SOX6: variants seen among roughly 807,000 people sequenced by gnomAD.
SOX6 encodes SRY-box transcription factor 6.
In SOX6, 11 loss-of-function variants were observed where a neutral mutation model predicts 97.8. The ratio of observed to expected loss-of-function variants is 0.11; its 90% confidence interval spans 0.07 to 0.19. The LOEUF (loss-of-function observed/expected upper bound fraction) is 0.19, where lower values mean the gene tolerates loss of function less well. Among genes scored for constraint, SOX6 ranks in the 10% least tolerant of loss-of-function variants. The pLI, the probability that SOX6 is intolerant of heterozygous loss-of-function variation, is 1.00. For missense variants in SOX6, 810 were observed against 1,039.5 expected (o/e 0.78, Z 3.04); for synonymous variants, 360 against 371.4 (o/e 0.97, Z 0.35).
At chr11:16,282,143 T>C (rs1301643239) in intron 3 of SOX6, among the ~76,000 whole-genome samples, 4 of 151,124 alleles carry the variant, frequency 2.6e-5, no homozygotes, top group Middle Eastern at 3.5e-3. Context: ...CACAATATTT[T>C]CATATATTCA....
intron 3 of SOX6, among the ~76,000 whole-genome samples, chr11:16,682,315 G>A (rs1016454303): frequency 9.9e-5 from 15 of 152,124 alleles, no homozygotes; most frequent in South Asian, 4.1e-4. Flanking sequence ...ACAAGACTCC[G>A]TCTCAAAAGA....
At chr11:16,147,191 A>C (rs372015651) in intron 6 of SOX6, among the ~76,000 whole-genome samples, 1 of 152,204 alleles carries the variant, frequency 6.6e-6, no homozygotes, top group East Asian at 1.9e-4. Context: ...GGATGAATTC[A>C]TGTCCTTTGA....
rs944170730 is a variant in SOX6 at position 15,967,838 on chromosome 11, G to A, written c.*4971C>T. ...TGAGTTTTCTTCAAGCGTTCATATTGCCATGGACACTGATTAGAAGAGTTA... is the reference window on the plus strand; with the variant it reads ...TGAGTTTTCTTCAAGCGTTCATATTACCATGGACACTGATTAGAAGAGTTA... On this transcript the variant is annotated 3_prime_UTR_variant, in exon 16 of 16. Coordinates refer to ENST00000683767, the MANE Select transcript of SOX6 (RefSeq NM_001367873.1). 21 of 152,130 alleles carry A rather than the reference G, an allele frequency of 1.4e-4. No homozygotes were observed. The highest frequency in any genetic ancestry group is 4.8e-4 in the African/African-American group (20 of 41,412). The allele number at this position is 152,130 out of a possible 1,614,324, so 9.4% of individuals were successfully genotyped here.
intron 6 of SOX6, among the ~76,000 whole-genome samples, chr11:16,159,578 T>A (rs1040314651): frequency 6.6e-6 from 1 of 152,092 alleles, no homozygotes; most frequent in African/African-American, 2.4e-5. Flanking sequence ...GTATTCTGAG[T>A]AATATAAAAT....
intron 4 of SOX6, among the ~76,000 whole-genome samples, chr11:16,515,863 T>C (rs1260638036): frequency 4.6e-5 from 5 of 109,566 alleles, no homozygotes; most frequent in Non-Finnish European, 9.7e-5. Context: ...GTTGTAGATA[T>C]GCGGCGTTAT....
chr11:16,283,541 A>C (rs549687273), intron 3 of SOX6, among the ~76,000 whole-genome samples: 21 of 151,930 alleles, frequency 1.4e-4, no homozygotes, highest in African/African-American at 5.1e-4. Flanking sequence ...GAAGTTAGAA[A>C]CACATACATA....
At chr11:16,199,385 C>T (rs772490930) in intron 4 of SOX6, among the ~76,000 whole-genome samples, 4 of 152,152 alleles carry the variant, frequency 2.6e-5, no homozygotes, top group Non-Finnish European at 4.4e-5. Flanking sequence ...TCTACTGCAA[C>T]AAACTTGGGA....
At chr11:16,008,899 C>T (rs1327201946) in intron 13 of SOX6, among the ~76,000 whole-genome samples, 1 of 152,026 alleles carries the variant, frequency 6.6e-6, no homozygotes, top group Non-Finnish European at 1.5e-5. Context: ...GCCTGTGTGG[C>T]TGTTACTCCT....
intron 6 of SOX6, among the ~76,000 whole-genome samples, chr11:16,149,004 T>C (rs540001314): frequency 6.6e-6 from 1 of 152,308 alleles, no homozygotes; most frequent in East Asian, 1.9e-4. Flanking sequence ...TCTTCTTCCT[T>C]CAAGACTTCT....
chr11:16,091,403 C>T (rs546499776), intron 9 of SOX6, among the ~76,000 whole-genome samples: 2 of 152,078 alleles, frequency 1.3e-5, no homozygotes, highest in South Asian at 2.1e-4. Flanking sequence ...CTCCATCACC[C>T]TCCCATTCCC....
intron 6 of SOX6, among the ~76,000 whole-genome samples, chr11:16,134,944 A>C (rs533390856): frequency 1.3e-5 from 2 of 152,236 alleles, no homozygotes; most frequent in Non-Finnish European, 2.9e-5. Flanking sequence ...TTCAAAGGAC[A>C]GGCTGACTCT....
intron 6 of SOX6, among the ~76,000 whole-genome samples, chr11:16,117,318 A>G (rs896813126): frequency 1.8e-4 from 27 of 152,076 alleles, no homozygotes; most frequent in Non-Finnish European, 8.8e-5. Flanking sequence ...ATGCCACCGC[A>G]CTCCAGCCTG....
chr11:16,583,021 T>A (rs1848045212), intron 4 of SOX6, among the ~76,000 whole-genome samples: 1 of 152,136 alleles, frequency 6.6e-6, no homozygotes, highest in Non-Finnish European at 1.5e-5. Flanking sequence ...CAGATTCATA[T>A]ATACACTTAA....
intron 6 of SOX6, among the ~76,000 whole-genome samples, chr11:16,168,524 G>C (rs1850945492): frequency 2.0e-5 from 3 of 152,024 alleles, no homozygotes; most frequent in Non-Finnish European, 4.4e-5. Flanking sequence ...TAGTTTAAGT[G>C]GTTTGGAACA....
chr11:16,223,813 AG>A (rs1434983167), intron 4 of SOX6, among the ~76,000 whole-genome samples: 2 of 152,110 alleles, frequency 1.3e-5, no homozygotes, highest in African/African-American at 4.8e-5. Context: ...CTTAAAATCT[AG>A]GCTTCAATTA....
intron 3 of SOX6, among the ~76,000 whole-genome samples, chr11:16,624,192 A>T (rs1038310296): frequency 6.6e-5 from 10 of 150,448 alleles, no homozygotes; most frequent in African/African-American, 2.4e-4. Context: ...TATTTTATTT[A>T]TTTATTTATT....
chr11:16,441,186 T>G (rs1859497326), intron 1 of SOX6, among the ~76,000 whole-genome samples: 1 of 152,254 alleles, frequency 6.6e-6, no homozygotes, highest in East Asian at 1.9e-4. Flanking sequence ...GTTAGACATG[T>G]ACACTCAGTA....
chr11:16,189,139 T>C (rs1851562804), intron 4 of SOX6, among the ~76,000 whole-genome samples: 1 of 152,096 alleles, frequency 6.6e-6, no homozygotes, highest in Admixed American at 6.6e-5. Context: ...TACAACTACA[T>C]AGGAATACAA....
intron 1 of SOX6, among the ~76,000 whole-genome samples, chr11:16,379,204 T>C (rs1023619139): frequency 2.6e-5 from 4 of 152,138 alleles, no homozygotes; most frequent in Non-Finnish European, 5.9e-5. Context: ...CAGTGGTTCA[T>C]GCCTGTAATC....
Sources: allele counts gnomAD v4.1 joint callset (sites outside exome capture counted in the v4.1 genomes callset), GRCh38; gene constraint gnomAD v4.1.1; transcripts MANE v1.5; gene names NCBI Gene and HGNC (gene_info 2026-07-23, HGNC 2026-07-21).